The following KIF2A variants were observed in gnomAD, a reference collection of about 807,000 sequenced individuals.
KIF2A encodes the protein kinesin family member 2A, also known as kinesin-like protein KIF2A.
In KIF2A, 22 loss-of-function variants were observed where a neutral mutation model predicts 100.2. The ratio of observed to expected loss-of-function variants is 0.22; its 90% CI spans 0.16 to 0.31. The LOEUF (loss-of-function observed/expected upper bound fraction) is 0.31. KIF2A is among the 10% of genes least tolerant of loss of function. The pLI, the probability that KIF2A is intolerant of heterozygous loss-of-function variation, is 1.00. For synonymous variants in KIF2A, 268 were observed against 285.9 expected, an observed-to-expected ratio of 0.94 and a Z score of 0.63; for missense variants, 495 against 898.7, an observed-to-expected ratio of 0.55 and a Z score of 5.74.
intron 1 of KIF2A, chr5:62,306,828 T>A (rs1745309407): frequency 4.9e-6 from 2 of 406,612 alleles, no homozygotes; most frequent in Admixed American, 9.7e-5. Flanking sequence ...GGCCGCTCGC[T>A]CCTCCTCCCG....
chr5:62,348,592 A>G (rs1420302429), intron 3 of KIF2A, among the ~76,000 whole-genome samples: 2 of 152,174 alleles, frequency 1.3e-5, no homozygotes, highest in African/African-American at 2.4e-5. Context: ...ATGATAGTGT[A>G]GTTCACTTCT....
intron 10 of KIF2A, 55 bp downstream of exon 10, chr5:62,361,387 A>G (rs367704273): frequency 6.9e-7 from 1 of 1,455,106 alleles, no homozygotes; most frequent in Non-Finnish European, 9.6e-7. Context: ...TCTTTTCCTT[A>G]TAGCTTAATT....
intron 1 of KIF2A, among the ~76,000 whole-genome samples, chr5:62,333,521 G>A (rs913511302): frequency 3.3e-5 from 5 of 152,148 alleles, no homozygotes; most frequent in African/African-American, 1.2e-4. Context: ...GTGAGATCAC[G>A]CTGCAGAAGC....
chr5:62,329,565 TA>T (rs1429781280), intron 1 of KIF2A, among the ~76,000 whole-genome samples: 1 of 152,234 alleles, frequency 6.6e-6, no homozygotes, highest in Non-Finnish European at 1.5e-5. Flanking sequence ...ACTGTTAGAT[TA>T]TAAATAATAA....
chr5:62,310,067 ATTCT>A (rs1561243405), intron 1 of KIF2A, among the ~76,000 whole-genome samples: 6 of 123,068 alleles, frequency 4.9e-5, no homozygotes, highest in East Asian at 2.4e-4. Context: ...ATAACTAATA[ATTCT>A]TTTTTTTTTT....
At chr5:62,340,628 AAC>A (rs1747246397) in intron 1 of KIF2A, among the ~76,000 whole-genome samples, 1 of 152,078 alleles carries the variant, frequency 6.6e-6, no homozygotes, top group Non-Finnish European at 1.5e-5. Flanking sequence ...CCAGGCTTGA[AAC>A]CTTCTTGTTA....
chr5:62,308,601 A>C (rs1745421481), intron 1 of KIF2A: 1 of 700,824 alleles, frequency 1.4e-6, no homozygotes. Context: ...CAGCCTTAAA[A>C]AAGGAGATCC....
intron 1 of KIF2A, among the ~76,000 whole-genome samples, chr5:62,314,767 T>TTTG (rs1554038397): frequency 6.1e-5 from 9 of 147,198 alleles, no homozygotes; most frequent in South Asian, 2.2e-4. Context: ...TGTTTTTTTT[T>TTTG]TTTTTTTTTT....
chr5:62,328,358 A>G (rs1299613708), intron 1 of KIF2A, among the ~76,000 whole-genome samples: 1 of 151,782 alleles, frequency 6.6e-6, no homozygotes, highest in African/African-American at 2.4e-5. Context: ...TTCAGCTAGA[A>G]TTGTAATCAT....
At chr5:62,353,657 G>A (rs187667635) in intron 6 of KIF2A, among the ~76,000 whole-genome samples, 1 of 152,206 alleles carries the variant, frequency 6.6e-6, no homozygotes, top group East Asian at 1.9e-4. Flanking sequence ...TGTGTATGGT[G>A]TAACATTTAA....
chr5:62,307,501 A>G (rs1028947593), intron 1 of KIF2A, among the ~76,000 whole-genome samples: 5 of 152,142 alleles, frequency 3.3e-5, no homozygotes, highest in African/African-American at 4.8e-5. Context: ...TTCATATTGT[A>G]AAGGAATAAA....
At chr5:62,323,034 A>C (rs1393399177) in intron 1 of KIF2A, among the ~76,000 whole-genome samples, 1 of 151,668 alleles carries the variant, frequency 6.6e-6, no homozygotes, top group Non-Finnish European at 1.5e-5. Context: ...AGGTGGACAG[A>C]TCACATGAGG....
At chr5:62,378,833 T>C (rs887820998) in intron 19 of KIF2A, among the ~76,000 whole-genome samples, 1 of 152,010 alleles carries the variant, frequency 6.6e-6, no homozygotes. Flanking sequence ...TAGGATTCCT[T>C]GAGCCTGGGA....
intron 18 of KIF2A, among the ~76,000 whole-genome samples, chr5:62,375,778 A>G (rs2111991104): frequency 6.6e-6 from 1 of 152,268 alleles, no homozygotes; most frequent in East Asian, 1.9e-4. Context: ...GCTTGTCACA[A>G]CTAAGGTGAT....
intron 17 of KIF2A, among the ~76,000 whole-genome samples, chr5:62,373,453 A>AAT (rs1397668523): frequency 2.0e-5 from 3 of 152,084 alleles, no homozygotes; most frequent in African/African-American, 7.2e-5. Context: ...TAATTTACAC[A>AAT]ATAATTATAT....
chr5:62,342,166 T>C (rs1580048927), intron 1 of KIF2A, among the ~76,000 whole-genome samples: 1 of 152,186 alleles, frequency 6.6e-6, no homozygotes, highest in Non-Finnish European at 1.5e-5. Context: ...TAGTATATTG[T>C]GGGGCTGCCA....
At position 62,390,969 on chromosome 5, in the gene KIF2A, T is replaced by G. The variant is rs1277866740; in HGVS notation, c.*5400T>G. The G allele has an allele frequency of 1.2e-6, 2 of 1,613,212 alleles. No homozygotes were observed. Among genetic ancestry groups the G allele is most frequent in the African/African-American group, 2.7e-5 (2 of 74,932 alleles). On this transcript the variant is annotated 3_prime_UTR_variant, in exon 21 of 21. Transcript: ENST00000407818. ...CTGTATTTTATCTGCTATGCTGAAA[T>G]CTTCTGGTATTATCTATCAATATAA...
At chr5:62,320,403 ATG>A in intron 1 of KIF2A, among the ~76,000 whole-genome samples, 1 of 152,316 alleles carries the variant, frequency 6.6e-6, no homozygotes, top group African/African-American at 2.4e-5. Flanking sequence ...ATAATTGTGT[ATG>A]TGTAATTTTG....
At chr5:62,326,588 A>G (rs1580013565) in intron 1 of KIF2A, among the ~76,000 whole-genome samples, 2 of 151,364 alleles carry the variant, frequency 1.3e-5, no homozygotes, top group Non-Finnish European at 2.9e-5. Flanking sequence ...GTCTCCTTTC[A>G]CCTGCCCAGT....
Sources: allele counts gnomAD v4.1 joint callset (sites outside exome capture counted in the v4.1 genomes callset), GRCh38; gene constraint gnomAD v4.1.1; transcripts MANE v1.5; gene names NCBI Gene and HGNC (gene_info 2026-07-23, HGNC 2026-07-21).